The following SLC36A1 variants were observed in gnomAD, a reference collection of about 807,000 sequenced individuals.
The protein encoded by SLC36A1 is solute carrier family 36 member 1.
SLC36A1 carries 30 observed loss-of-function variants against 47.5 expected under a neutral mutation model. That is an observed-to-expected ratio of 0.63 (90% CI 0.47 to 0.86). The LOEUF (loss-of-function observed/expected upper bound fraction) is 0.86. Among genes scored for constraint, SLC36A1 ranks in the 40% least tolerant of loss-of-function variants. The probability of loss-of-function intolerance (pLI) is 0.00; values close to 1 mark genes in which losing one functional copy is unlikely to be tolerated. For synonymous variants in SLC36A1, 255 were observed against 249.7 expected, an observed-to-expected ratio of 1.02 and a Z score of -0.20; for missense variants, 517 against 606.0, an observed-to-expected ratio of 0.85 and a Z score of 1.54.
chr5:151,468,266 A>AAAAATATATATATATAT (rs55642458), intron 7 of SLC36A1, among the ~76,000 whole-genome samples: 11 of 63,814 alleles, frequency 1.7e-4, no homozygotes, highest in African/African-American at 9.7e-4. Context: ...AAAAAAAAAA[A>AAAAATATATATATATAT]ATATATATAT....
chr5:151,542,246 T>C, the SLC36A1 span: 29 of 1,527,582 alleles, frequency 1.9e-5, no homozygotes, highest in East Asian at 3.8e-4. Context: ...TGTTTTTCGA[T>C]ACATTCCAGA....
the SLC36A1 span, among the ~76,000 whole-genome samples, chr5:151,400,945 T>G: frequency 6.6e-6 from 1 of 152,214 alleles, no homozygotes; most frequent in Non-Finnish European, 1.5e-5. Context: ...ATGCATCGTT[T>G]GTGAATATTT....
intron 2 of SLC36A1, among the ~76,000 whole-genome samples, chr5:151,459,494 T>G (rs1755193349): frequency 6.6e-6 from 1 of 152,196 alleles, no homozygotes; most frequent in Non-Finnish European, 1.5e-5. Context: ...CCGCTTCAGG[T>G]CTCACTTTCC....
At chr5:151,470,375 C>T (rs190177618) in intron 7 of SLC36A1, among the ~76,000 whole-genome samples, 5 of 152,204 alleles carry the variant, frequency 3.3e-5, no homozygotes, top group African/African-American at 7.2e-5. Context: ...GTTCTTATAG[C>T]GTCTCAGTCC....
chr5:151,465,178 T>C lies in SLC36A1; in HGVS notation c.419+9T>C. On this transcript the variant is annotated intron_variant, in intron 5 of 10. Transcript: ENST00000243389. ...CACGCACACTGGGGAAGGTAACTGA[T>C]TTCCTCCTTCCTTTCAACTGTGGCC... 2 of 1,609,816 alleles carry C rather than the reference T, an allele frequency of 1.2e-6. No homozygotes were observed. Among genetic ancestry groups the C allele is most frequent in the East Asian group, 2.2e-5 (1 of 44,864 alleles).
chr5:151,411,726 C>T, the SLC36A1 span, among the ~76,000 whole-genome samples: 3 of 144,412 alleles, frequency 2.1e-5, no homozygotes, highest in Admixed American at 2.0e-4. Context: ...GTCTCTTTTT[C>T]CCCCAGTTAC....
At chr5:151,554,468 G>A in the SLC36A1 span, 2 of 1,614,194 alleles carry the variant, frequency 1.2e-6, no homozygotes, top group Non-Finnish European at 8.5e-7. Context: ...GATACTGTAG[G>A]TGACTCTGCC....
the SLC36A1 span, among the ~76,000 whole-genome samples, chr5:151,555,617 G>A: frequency 3.3e-5 from 5 of 152,030 alleles, no homozygotes; most frequent in Admixed American, 1.3e-4. Flanking sequence ...TGATCTGCCC[G>A]CCTCAGCCTC....
At chr5:151,372,619 A>T in the SLC36A1 span, among the ~76,000 whole-genome samples, 1 of 151,936 alleles carries the variant, frequency 6.6e-6, no homozygotes. Flanking sequence ...ATTTTCATAT[A>T]TATATATTTT....
At chr5:151,478,941 A>T (rs1758443345) in intron 9 of SLC36A1, among the ~76,000 whole-genome samples, 1 of 152,230 alleles carries the variant, frequency 6.6e-6, no homozygotes, top group African/African-American at 2.4e-5. Flanking sequence ...ATGCTATATC[A>T]TGTGATAGAG....
chr5:151,547,106 A>C, the SLC36A1 span, among the ~76,000 whole-genome samples: 1 of 152,224 alleles, frequency 6.6e-6, no homozygotes, highest in Non-Finnish European at 1.5e-5. Flanking sequence ...ATATTTTTAA[A>C]GGTAACATTA....
the SLC36A1 span, among the ~76,000 whole-genome samples, chr5:151,552,483 T>C: frequency 6.6e-6 from 1 of 152,194 alleles, no homozygotes; most frequent in African/African-American, 2.4e-5. Context: ...ATGTGGGTGC[T>C]GAAACTCCTA....
chr5:151,486,005 C>T (rs1759467862), intron 10 of SLC36A1, among the ~76,000 whole-genome samples: 1 of 152,200 alleles, frequency 6.6e-6, no homozygotes, highest in African/African-American at 2.4e-5. Flanking sequence ...TCCATTCTTT[C>T]CCTGGTGTGT....
chr5:151,361,964 C>T, the SLC36A1 span, among the ~76,000 whole-genome samples: 1 of 152,072 alleles, frequency 6.6e-6, no homozygotes, highest in African/African-American at 2.4e-5. Context: ...CTCCTTTATA[C>T]ATTGTTTGCT....
the SLC36A1 span, chr5:151,382,213 T>A: frequency 8.0e-7 from 1 of 1,247,276 alleles, no homozygotes. Flanking sequence ...TGGGTGAACC[T>A]CATCTGCAAG....
Position 151,467,703 on chromosome 5 carries a change from C to A in SLC36A1, c.505-4C>A. On this transcript the variant is annotated splice_polypyrimidine_tract_variant and splice_region_variant and intron_variant, in intron 6 of 10. Transcript: ENST00000243389. ...TTCCGTTTTCTTCCTTCCCCTCATT[C>A]TAGGTGATAGAAGCGGCCAATGGGA... The A allele has an allele frequency of 1.9e-6, 3 of 1,612,814 alleles. No homozygotes were observed. Among genetic ancestry groups the A allele is most frequent in the Non-Finnish European group, 2.5e-6 (3 of 1,178,894 alleles).
rs545549543 is a variant in SLC36A1, at chr5:151,470,714, C to G, written c.723+2789C>G. ...GCTTGTTACTACTGTTCTGTTTTGG[C>G]ATTGTGCCCCACTTACCATGAGGAT... is the stretch of plus-strand genomic sequence containing the variant. On this transcript the variant is annotated intron_variant, in intron 7 of 10. Transcript: ENST00000243389. The G allele has an allele frequency of 2.6e-5, 4 of 152,530 alleles. No individual in the cohort carries two copies. The South Asian group carries it at 8.3e-4, about 32-fold the overall frequency. 9.4% of individuals were successfully genotyped at this position (152,530 alleles called of 1,614,324 possible).
the SLC36A1 span, among the ~76,000 whole-genome samples, chr5:151,515,697 C>G: frequency 6.6e-6 from 1 of 152,182 alleles, no homozygotes; most frequent in African/African-American, 2.4e-5. Flanking sequence ...TTTGTAGAAT[C>G]TATCTTCTTT....
chr5:151,507,931 C>T, the SLC36A1 span, among the ~76,000 whole-genome samples: 3 of 152,196 alleles, frequency 2.0e-5, no homozygotes, highest in Non-Finnish European at 4.4e-5. Flanking sequence ...GCAGTAGAGA[C>T]ATCGACTCTC....
Sources: allele counts gnomAD v4.1 joint callset (sites outside exome capture counted in the v4.1 genomes callset), GRCh38; gene constraint gnomAD v4.1.1; transcripts MANE v1.5; gene names NCBI Gene and HGNC (gene_info 2026-07-23, HGNC 2026-07-21).